Variants in RAP1GAP2 observed in about 807,000 individuals in gnomAD.
RAP1GAP2 encodes the protein RAP1 GTPase activating protein 2.
In RAP1GAP2, 27 loss-of-function variants were observed where a neutral mutation model predicts 95.0. That is an observed-to-expected ratio of 0.28 (90% CI 0.21 to 0.39). RAP1GAP2 has a LOEUF of 0.39. Among genes scored for constraint, RAP1GAP2 ranks in the 10% least tolerant of loss-of-function variants. The probability of loss-of-function intolerance (pLI) is 1.00; values close to 1 mark genes in which losing one functional copy is unlikely to be tolerated. For missense variants in RAP1GAP2, 771 were observed against 970.0 expected (o/e 0.79, Z 2.72); for synonymous variants, 373 against 380.9 (o/e 0.98, Z 0.24).
intron 2 of RAP1GAP2, among the ~76,000 whole-genome samples, chr17:2,820,892 G>GTTTTT (rs59814346): frequency 3.8e-5 from 4 of 104,102 alleles, no homozygotes; most frequent in South Asian, 3.6e-4. Context: ...CCGGATAATG[G>GTTTTT]TTTTTTTTTT....
At chr17:2,940,634 G>T (rs1168621995) in intron 3 of RAP1GAP2, among the ~76,000 whole-genome samples, 1 of 152,180 alleles carries the variant, frequency 6.6e-6, no homozygotes, top group African/African-American at 2.4e-5. Flanking sequence ...GAGAGTGTGA[G>T]CCGTGGTCCT....
intron 17 of RAP1GAP2, among the ~76,000 whole-genome samples, chr17:3,014,867 G>A (rs2151631792): frequency 6.6e-6 from 1 of 152,282 alleles, no homozygotes; most frequent in East Asian, 1.9e-4. Context: ...GAGATGCTGA[G>A]ATTTATGGAG....
chr17:2,892,669 C>T (rs1447642137), intron 2 of RAP1GAP2, among the ~76,000 whole-genome samples: 5 of 152,286 alleles, frequency 3.3e-5, no homozygotes, highest in Non-Finnish European at 5.9e-5. Context: ...AGGCCTTTCA[C>T]GTGCAGGCTT....
chr17:3,001,968 CTT>C (rs71377566), intron 14 of RAP1GAP2, among the ~76,000 whole-genome samples: 11 of 138,596 alleles, frequency 7.9e-5, no homozygotes, highest in Middle Eastern at 3.4e-3. Context: ...TCTTCTTCTC[CTT>C]TTTTTTTTTT....
rs1048549962 is a variant in RAP1GAP2 at position 2,837,942 on chromosome 17, A to G, written c.80+37392A>G. Among the ~76,000 whole-genome samples, 3 of 150,966 alleles carry G rather than the reference A, an allele frequency of 2.0e-5. No homozygotes were observed. In the East Asian group the frequency reaches 5.9e-4, roughly 30 times the overall value. ...TCTTAGTGGCTGTGTGATCCTGGAC[A>G]GAAGAGTTAGCCTTTCTAGGTTTCG... is the stretch of plus-strand genomic sequence containing the variant. On this transcript the variant is annotated intron_variant, in intron 2 of 24. Transcript: ENST00000254695.
At chr17:2,888,797 T>C (rs2073589747) in intron 2 of RAP1GAP2, among the ~76,000 whole-genome samples, 1 of 150,354 alleles carries the variant, frequency 6.7e-6, no homozygotes, top group African/African-American at 2.4e-5. Context: ...GACTACAGTG[T>C]ACACCACCAC....
chr17:2,777,722 G>A (rs1487642098), intron 1 of RAP1GAP2, among the ~76,000 whole-genome samples: 2 of 152,160 alleles, frequency 1.3e-5, no homozygotes, highest in Admixed American at 1.3e-4. Flanking sequence ...TATGCCAGTG[G>A]GGTTTGCTGG....
chr17:3,013,982 CAG>C (rs71843136), intron 17 of RAP1GAP2, among the ~76,000 whole-genome samples: 87,720 of 151,700 alleles, frequency 0.58, 25,505 homozygotes, highest in Admixed American at 0.63. Flanking sequence ...GGGAAAGAGA[CAG>C]GGAGGAATAC....
In RAP1GAP2 at chr17:2,904,738, G is replaced by A. The variant is rs2151730096; in HGVS notation, c.81-546G>A. The stretch of plus-strand genomic sequence containing the variant: ...AGGTTCCTGGGCTCATCACTGGAGA[G>A]CCTGGTGTGCACCTGCAAATGTGCA... On this transcript the variant is annotated intron_variant, in intron 2 of 24. Transcript: ENST00000254695. This position sits in a 1 kb window ranked among gnomAD's most constrained non-coding sequence, Gnocchi z 4.7. Among the ~76,000 whole-genome samples the A allele has an allele frequency of 6.6e-6, 1 of 152,268 alleles. No individual in the cohort carries two copies. The highest frequency in any genetic ancestry group is 6.5e-5 in the Admixed American group (1 of 15,294).
intron 2 of RAP1GAP2, among the ~76,000 whole-genome samples, chr17:2,898,662 C>T (rs1156390564): frequency 6.6e-6 from 1 of 152,232 alleles, no homozygotes; most frequent in African/African-American, 2.4e-5. Flanking sequence ...GAAGATGTCC[C>T]TGCCCCCGTC....
chr17:2,952,763 A>G (rs1171559452), intron 3 of RAP1GAP2, among the ~76,000 whole-genome samples: 1 of 151,256 alleles, frequency 6.6e-6, no homozygotes. Flanking sequence ...TGGTTATTTT[A>G]TGTGTGTCCT....
chr17:2,886,226 G>C (rs1383047833), intron 2 of RAP1GAP2, among the ~76,000 whole-genome samples: 1 of 148,500 alleles, frequency 6.7e-6, no homozygotes, highest in African/African-American at 2.5e-5. Context: ...AGGCTGGAGT[G>C]CAGTGGTGCG....
At chr17:2,806,847 AT>A (rs928813613) in intron 2 of RAP1GAP2, among the ~76,000 whole-genome samples, 1 of 146,290 alleles carries the variant, frequency 6.8e-6, no homozygotes, top group Non-Finnish European at 1.5e-5. Flanking sequence ...ATACCCAACT[AT>A]TTTTTTTGTA....
chr17:2,976,634 G>A (rs535492156), intron 8 of RAP1GAP2, among the ~76,000 whole-genome samples: 1 of 151,700 alleles, frequency 6.6e-6, no homozygotes, highest in South Asian at 2.1e-4. Context: ...TCAGGAAGCT[G>A]GAAAAAGAGT....
rs1597773045 is a variant in RAP1GAP2, at chr17:2,974,470, C to T, written c.597-5817C>T. Among the ~76,000 whole-genome samples the T allele has an allele frequency of 5.9e-5, 9 of 152,088 alleles. No individual in the cohort carries two copies. The South Asian group carries it at 1.9e-3, about 32-fold the overall frequency. ...AGGGAATGTCCCACTCGGGCTCTTT[C>T]TGAAAGAATTACTGAAGGATACACT... On this transcript the variant is annotated intron_variant, in intron 8 of 24. Transcript: ENST00000254695.
chr17:2,827,606 A>C lies in RAP1GAP2; in HGVS notation c.80+27056A>C, dbSNP rs1334683423. ...GTGGATCACCTGAGGTCAGGGGTTC[A>C]AGACCAGCCTGGATAACATGGTGAA... On this transcript the variant is annotated intron_variant, in intron 2 of 24. Transcript: ENST00000254695. The surrounding 1 kb of genome is among the most constrained non-coding windows in gnomAD (Gnocchi z 4.1). Among the ~76,000 whole-genome samples, 1 of 151,496 alleles carries C rather than the reference A, an allele frequency of 6.6e-6. No homozygotes were observed. The highest frequency in any genetic ancestry group is 1.5e-5 in the Non-Finnish European group (1 of 67,880).
Position 3,035,283 on chromosome 17 carries a change from T to C in RAP1GAP2, c.*1922T>C, listed in dbSNP as rs1009287952. The C allele has an allele frequency of 4.6e-5, 7 of 152,530 alleles. No homozygotes were observed. The highest frequency in any genetic ancestry group is 3.9e-4 in the Admixed American group (6 of 15,284). The allele number at this position is 152,530 out of a possible 1,614,324, so 9.4% of individuals were successfully genotyped here. A position where few individuals can be genotyped will look rare whatever the true frequency, so the allele number is the denominator to read the frequency against. On this transcript the variant is annotated 3_prime_UTR_variant, in exon 25 of 25. Transcript: ENST00000254695. This position sits in a 1 kb window ranked among gnomAD's most constrained non-coding sequence, Gnocchi z 4.3. ...TTGTTGGCTGGGCTTCTGGAGGCAC[T>C]GGCAAGGTCAAACTGCATTTCTTTA...
In RAP1GAP2 at chr17:2,819,180, G is replaced by A. The variant is rs532216072; in HGVS notation, c.80+18630G>A. 4.6e-5 allele frequency among the ~76,000 whole-genome samples: 7 copies of A among 151,758 alleles called. 1 individual carries two copies. The highest frequency in any genetic ancestry group is 9.7e-5 in the African/African-American group (4 of 41,398). On this transcript the variant is annotated intron_variant, in intron 2 of 24. Transcript: ENST00000254695. ...ACTACAGGCGCCCGCTACCACACCC[G>A]GCTAATTTTTTTTGTATTTTTAGTA...
At chr17:2,793,697 TC>T (rs1255522261), upstream of RAP1GAP2, among the ~76,000 whole-genome samples, 1 of 152,244 alleles carries the variant, frequency 6.6e-6, no homozygotes. Context: ...GAAATCCAAC[TC>T]ATACTGGCTT....
Sources: allele counts gnomAD v4.1 joint callset (sites outside exome capture counted in the v4.1 genomes callset), GRCh38; gene constraint gnomAD v4.1.1; non-coding constraint Gnocchi (gnomAD v3.1); transcripts MANE v1.5; gene names NCBI Gene and HGNC (gene_info 2026-07-23, HGNC 2026-07-21).